APOLD1: variants seen among roughly 807,000 people sequenced by gnomAD.
The protein encoded by APOLD1 is apolipoprotein L domain-containing protein 1.
A neutral mutation model predicts 15.3 loss-of-function variants in APOLD1; 22 were observed. The observed-to-expected ratio is 1.44, with a 90% CI of 1.03 to 2.05. The LOEUF (loss-of-function observed/expected upper bound fraction) is 2.05. Ranked by LOEUF, APOLD1 falls within the 30% of genes most tolerant of loss-of-function variation. The pLI, the probability that APOLD1 is intolerant of heterozygous loss-of-function variation, is 0.00. For synonymous variants in APOLD1, 190 were observed against 167.4 expected, an observed-to-expected ratio of 1.13 and a Z score of -1.04; for missense variants, 394 against 353.5, an observed-to-expected ratio of 1.11 and a Z score of -0.92.
At chr12:12,765,660 C>T (rs947851683) in intron 1 of APOLD1, among the ~76,000 whole-genome samples, 1 of 152,104 alleles carries the variant, frequency 6.6e-6, no homozygotes, top group Non-Finnish European at 1.5e-5. Context: ...TGCTTGAGCC[C>T]AGGAATTCAA....
rs529042827 is a variant in APOLD1, at chr12:12,760,529, C to T, written c.97-26380C>T. Among the ~76,000 whole-genome samples, 4 of 151,414 alleles carry T rather than the reference C, an allele frequency of 2.6e-5. No homozygotes were observed. In the South Asian group the frequency reaches 8.4e-4, roughly 32 times the overall value. ...TTCTGGGCGCCTATAATCCCAGCTA[C>T]TTGGGAGGCTGAGGCAGGAGAATCA... is the stretch of plus-strand genomic sequence containing the variant. On this transcript the variant is annotated intron_variant, in intron 1 of 1. Transcript: ENST00000326765.
upstream of APOLD1, chr12:12,785,538 C>A: frequency 1.5e-6 from 2 of 1,332,748 alleles, no homozygotes; most frequent in Non-Finnish European, 2.1e-6. Flanking sequence ...TCACGTCCTT[C>A]TAGATGAAGG....
At chr12:12,777,908 T>G (rs1000534192) in intron 1 of APOLD1, among the ~76,000 whole-genome samples, 16 of 30,190 alleles carry the variant, frequency 5.3e-4, no homozygotes, top group African/African-American at 7.2e-4. Flanking sequence ...TTTTTTTTTT[T>G]TTTTTTTTTT....
chr12:12,763,796 C>T (rs1946922003), intron 1 of APOLD1, among the ~76,000 whole-genome samples: 2 of 151,810 alleles, frequency 1.3e-5, no homozygotes, highest in Admixed American at 1.3e-4. Flanking sequence ...ACCTATAATA[C>T]CTTATATAAT....
chr12:12,773,864 G>A (rs1947007046), intron 1 of APOLD1, among the ~76,000 whole-genome samples: 1 of 152,168 alleles, frequency 6.6e-6, no homozygotes, highest in Non-Finnish European at 1.5e-5. Flanking sequence ...TTCAACAAAT[G>A]GTGCTGGAAA....
chr12:12,764,685 GTAGTGTCT>G (rs1173926617), intron 1 of APOLD1: 1 of 503,816 alleles, frequency 2.0e-6, no homozygotes, highest in Non-Finnish European at 4.1e-6. Context: ...GACCCTTCCT[GTAGTGTCT>G]TATATACAAT....
chr12:12,774,672 A>G (rs1444365464), intron 1 of APOLD1, among the ~76,000 whole-genome samples: 2 of 152,016 alleles, frequency 1.3e-5, no homozygotes, highest in African/African-American at 4.8e-5. Flanking sequence ...CAAAGAAGAT[A>G]TTGGTGGTAA....
chr12:12,782,493 A>G (rs937049195), upstream of APOLD1, among the ~76,000 whole-genome samples: 1 of 152,160 alleles, frequency 6.6e-6, no homozygotes, highest in Admixed American at 6.5e-5. Context: ...TCAAACTAGT[A>G]CAGCTAATGC....
chr12:12,759,662 G>A (rs927858755), intron 1 of APOLD1, among the ~76,000 whole-genome samples: 1 of 152,208 alleles, frequency 6.6e-6, no homozygotes, highest in Admixed American at 6.5e-5. Context: ...CCTTATTGAA[G>A]TGTGTTGAAG....
chr12:12,744,628 T>C (rs1183562257), intron 1 of APOLD1, among the ~76,000 whole-genome samples: 2 of 152,140 alleles, frequency 1.3e-5, no homozygotes, highest in East Asian at 1.9e-4. Flanking sequence ...AGCTCTCAAC[T>C]CTAGGCAGGT....
chr12:12,728,761 A>C (rs1041740212), intron 1 of APOLD1, among the ~76,000 whole-genome samples: 1 of 152,146 alleles, frequency 6.6e-6, no homozygotes, highest in Admixed American at 6.5e-5. Context: ...TCTGCCAAAA[A>C]AAACTATTTA....
intron 1 of APOLD1, among the ~76,000 whole-genome samples, chr12:12,735,259 T>C (rs888004871): frequency 1.3e-5 from 2 of 151,968 alleles, no homozygotes; most frequent in African/African-American, 4.8e-5. Context: ...AAAAATGCCA[T>C]TCCATCCCCC....
intron 1 of APOLD1, among the ~76,000 whole-genome samples, chr12:12,737,283 C>G (rs1178655566): frequency 6.6e-6 from 1 of 151,638 alleles, no homozygotes; most frequent in Non-Finnish European, 1.5e-5. Context: ...AGTGGGGTAA[C>G]AACCTAGAGT....
chr12:12,791,233 GA>G lies in APOLD1; in HGVS notation c.*3587del, dbSNP rs914183939. 3 of 152,106 alleles carry G rather than the reference GA, an allele frequency of 2.0e-5. No homozygotes were observed. The highest frequency in any genetic ancestry group is 4.4e-5 in the Non-Finnish European group (3 of 68,008). The allele number at this position is 152,106 out of a possible 1,614,324, so 9.4% of individuals were successfully genotyped here. On this transcript the variant is annotated 3_prime_UTR_variant, in exon 2 of 2. Coordinates refer to ENST00000356591, the MANE Select transcript of APOLD1 (RefSeq NM_030817.3). ...TCAAAGTCAAAAGTATTTACTGGGA[GA>G]AAAAAGAGAGGAGTGGTTGTAGAAG...
intron 1 of APOLD1, among the ~76,000 whole-genome samples, chr12:12,747,840 G>A (rs1435240361): frequency 6.6e-6 from 1 of 152,252 alleles, no homozygotes; most frequent in African/African-American, 2.4e-5. Flanking sequence ...GGCTTCTGGA[G>A]TGGTGAGGGA....
upstream of APOLD1, among the ~76,000 whole-genome samples, chr12:12,783,804 T>C (rs1392152094): frequency 6.6e-6 from 1 of 151,552 alleles, no homozygotes; most frequent in Admixed American, 6.6e-5. Flanking sequence ...CGGCCAATTT[T>C]TAAATTTTTT....
intron 1 of APOLD1, among the ~76,000 whole-genome samples, chr12:12,738,365 C>T (rs1946706023): frequency 6.6e-6 from 1 of 151,974 alleles, no homozygotes; most frequent in African/African-American, 2.4e-5. Flanking sequence ...TATGCCACCA[C>T]ACCTGGCTAA....
intron 1 of APOLD1, among the ~76,000 whole-genome samples, chr12:12,736,141 G>A (rs539953469): frequency 6.6e-6 from 1 of 151,878 alleles, no homozygotes; most frequent in Non-Finnish European, 1.5e-5. Context: ...GGATCACTCA[G>A]GAGTTCAAGA....
chr12:12,780,827 G>C (rs145853435), upstream of APOLD1, among the ~76,000 whole-genome samples: 1,602 of 147,618 alleles, frequency 0.011, 39 homozygotes, highest in African/African-American at 0.036. Flanking sequence ...GGGCTCAAGT[G>C]ATTCTTCCAC....
Sources: allele counts gnomAD v4.1 joint callset (sites outside exome capture counted in the v4.1 genomes callset), GRCh38; gene constraint gnomAD v4.1.1; transcripts MANE v1.5; gene names NCBI Gene and HGNC (gene_info 2026-07-23, HGNC 2026-07-21).